Variants in PLA2G6 observed in about 807,000 individuals in gnomAD.
PLA2G6 encodes 85/88 kDa calcium-independent phospholipase A2.
PLA2G6 carries 62 observed loss-of-function variants against 83.8 expected under a neutral mutation model. The observed-to-expected ratio is 0.74, with a 90% confidence interval of 0.60 to 0.91. The LOEUF is 0.91. PLA2G6 is among the 40% of genes least tolerant of loss of function. The probability of loss-of-function intolerance (pLI) is 0.00; values close to 1 mark genes in which losing one functional copy is unlikely to be tolerated. For missense variants in PLA2G6, 944 were observed against 1,102.0 expected (o/e 0.86, Z 2.03); for synonymous variants, 417 against 449.8 (o/e 0.93, Z 0.92).
rs900525256 is a variant in PLA2G6, at chr22:38,125,240, G to A, written c.1427+1131C>T. 5.3e-5 allele frequency among the ~76,000 whole-genome samples: 8 copies of A among 152,322 alleles called. No homozygotes were observed. In the East Asian group the frequency reaches 9.6e-4, roughly 18 times the overall value. ...TGTTTGCATGTGTGCATGTGTGTGC[G>A]TGTCCATGTGTTTGCATGTGGGCAA... On this transcript the variant is annotated intron_variant, in intron 10 of 16. Transcript: ENST00000332509.
rs1413322585 is a variant in PLA2G6, at chr22:38,181,717, G to A, written c.-99C>T. 6.6e-6 allele frequency: 1 copy of A among 152,290 alleles called. No individual in the cohort carries two copies. The highest frequency in any genetic ancestry group is 1.5e-5 in the Non-Finnish European group (1 of 68,094). The allele number at this position is 152,290 out of a possible 1,614,324, so 9.4% of individuals were successfully genotyped here. On this transcript the variant is annotated 5_prime_UTR_variant, in exon 1 of 17. Transcript: ENST00000332509. ...AAAGGAGGGTCCGGCGGAGACTTGG[G>A]AGTCCGGAGCGCCGAGGAAGTTGGG...
intron 1 of PLA2G6, among the ~76,000 whole-genome samples, chr22:38,174,903 G>A (rs970991096): frequency 1.2e-4 from 19 of 152,132 alleles, no homozygotes; most frequent in African/African-American, 4.3e-4. Context: ...CTCCTCTCAT[G>A]ACGAGGAGCC....
Position 38,160,713 on chromosome 22 carries a change from C to T in PLA2G6, c.209+8505G>A, listed in dbSNP as rs537863471. On this transcript the variant is annotated intron_variant, in intron 2 of 16. Coordinates refer to ENST00000332509, the MANE Select transcript of PLA2G6 (RefSeq NM_003560.4). ...ACAAAAAATTAGCCGGGCGTGGTGG[C>T]GGGCACCTGTAGTCCCAGCTACTCA... 2.2e-3 allele frequency among the ~76,000 whole-genome samples: 335 copies of T among 152,186 alleles called. 5 individuals carry two copies. The highest frequency in any genetic ancestry group is 7.6e-3 in the African/African-American group (315 of 41,498).
At chr22:38,136,008 T>C (rs1324920893) in intron 5 of PLA2G6, 1 of 152,196 alleles carries the variant, frequency 6.6e-6, no homozygotes, top group African/African-American at 2.4e-5. Context: ...AAGGAAATTC[T>C]GATACGTGCT....
intron 2 of PLA2G6, among the ~76,000 whole-genome samples, chr22:38,156,077 A>G (rs533454025): frequency 6.6e-6 from 1 of 152,368 alleles, no homozygotes; most frequent in Admixed American, 6.5e-5. Flanking sequence ...CTATAAAAAG[A>G]GACAAAGAAG....
At chr22:38,148,709 A>C in intron 2 of PLA2G6, 1 of 595,768 alleles carries the variant, frequency 1.7e-6, no homozygotes. Flanking sequence ...AGGGTGAGCC[A>C]TACACAGACA....
rs189391579 is a variant in PLA2G6 at position 38,119,408 on chromosome 22, C to T, written c.1742+1351G>A. 3.0e-3 allele frequency among the ~76,000 whole-genome samples: 461 copies of T among 152,238 alleles called. 1 individual carries two copies. Among genetic ancestry groups the T allele is most frequent in the South Asian group, 0.017 (82 of 4,820 alleles). On this transcript the variant is annotated intron_variant, in intron 12 of 16. Coordinates refer to ENST00000332509, the MANE Select transcript of PLA2G6 (RefSeq NM_003560.4). ...ACATTAAATTGGATCTTGGATTTCA[C>T]CCTCATACAAAAATCAATTCCAGGT...
Position 38,128,183 on chromosome 22 carries a change from G to A in PLA2G6, c.1348+86C>T. ...GCTTCCTTTAGTGACTTCCGTCCTA[G>A]GGATCCTGTTGCTTTGGTGGGGCCT... On this transcript the variant is annotated intron_variant, in intron 9 of 16. Transcript: ENST00000332509. The surrounding 1 kb of genome is among the most constrained non-coding windows in gnomAD (Gnocchi z 4.4). The A allele has an allele frequency of 7.1e-7, 1 of 1,417,632 alleles. No individual in the cohort carries two copies. Among genetic ancestry groups the A allele is most frequent in the South Asian group, 1.2e-5 (1 of 86,864 alleles). The allele number at this position is 1,417,632 out of a possible 1,614,324, so 87.8% of individuals were successfully genotyped here. A position where few individuals can be genotyped will look rare whatever the true frequency, so the allele number is the denominator to read the frequency against.
At chr22:38,165,616 G>A (rs2090183293) in intron 2 of PLA2G6, among the ~76,000 whole-genome samples, 1 of 152,182 alleles carries the variant, frequency 6.6e-6, no homozygotes, top group Non-Finnish European at 1.5e-5. Flanking sequence ...GCTCACTCCT[G>A]TAATCCCAGC....
At chr22:38,127,462 C>T in intron 9 of PLA2G6, 1 of 1,329,452 alleles carries the variant, frequency 7.5e-7, no homozygotes, top group Non-Finnish European at 1.0e-6. Context: ...TGACTGCCTG[C>T]AAAATTGAGA....
chr22:38,120,165 G>A (rs779343305), intron 12 of PLA2G6, among the ~76,000 whole-genome samples: 1 of 152,204 alleles, frequency 6.6e-6, no homozygotes, highest in African/African-American at 2.4e-5. Flanking sequence ...TTAGTCCTAG[G>A]ATTTGGGCTT....
chr22:38,168,000 C>G (rs1236646357), intron 2 of PLA2G6: 1 of 169,586 alleles, frequency 5.9e-6, no homozygotes, highest in Non-Finnish European at 1.5e-5. Flanking sequence ...CCATTTTGTT[C>G]TGCCACACAG....
Position 38,112,043 on chromosome 22 carries a change from G to A in PLA2G6, c.*118C>T, listed in dbSNP as rs2086893449. On this transcript the variant is annotated 3_prime_UTR_variant, in exon 17 of 17. Coordinates refer to ENST00000332509, the MANE Select transcript of PLA2G6 (RefSeq NM_003560.4). ...GGCAGCTTGGCATTCTCCCAGGCCTGGTCTATGGACTCAGAGGTGCCTGGG... is the reference window on the plus strand; with the variant it reads ...GGCAGCTTGGCATTCTCCCAGGCCTAGTCTATGGACTCAGAGGTGCCTGGG... The A allele has an allele frequency of 8.2e-7, 1 of 1,217,836 alleles. No individual in the cohort carries two copies. The highest frequency in any genetic ancestry group is 1.5e-5 in the African/African-American group (1 of 66,792). The allele number at this position is 1,217,836 out of a possible 1,614,324, so 75.4% of individuals were successfully genotyped here.
intron 2 of PLA2G6, among the ~76,000 whole-genome samples, chr22:38,153,339 C>G (rs1256907310): frequency 1.3e-5 from 2 of 152,210 alleles, no homozygotes; most frequent in Non-Finnish European, 2.9e-5. Flanking sequence ...CTCTGCCCGG[C>G]CCCCGCCCTG....
At chr22:38,148,301 G>C in intron 2 of PLA2G6, 5 of 550,318 alleles carry the variant, frequency 9.1e-6, no homozygotes, top group Non-Finnish European at 1.6e-5. Flanking sequence ...ATAGCGAATG[G>C]GGAAAGTGTA....
chr22:38,137,408 C>A (rs1394870691), intron 5 of PLA2G6: 2 of 152,648 alleles, frequency 1.3e-5, no homozygotes, highest in East Asian at 3.9e-4. Context: ...TAGTGCAGCC[C>A]CCAGGCATCC....
chr22:38,133,043 C>T lies in PLA2G6; in HGVS notation c.895-30G>A, dbSNP rs780026887. On this transcript the variant is annotated intron_variant, in intron 6 of 16. Coordinates refer to ENST00000332509, the MANE Select transcript of PLA2G6 (RefSeq NM_003560.4). The stretch of plus-strand genomic sequence containing the variant: ...GGGAGACGGTCAGGCTGAGTTAGCA[C>T]AGGCACTCGGGGAGCTGCCGCACCC... 12 of 1,545,806 alleles carry T rather than the reference C, an allele frequency of 7.8e-6. No individual in the cohort carries two copies. In the African/African-American group the frequency reaches 1.4e-4, roughly 18 times the overall value.
In PLA2G6 at chr22:38,112,603, G is replaced by A. The variant is rs928536988; in HGVS notation, c.2203-26C>T. The A allele has an allele frequency of 3.2e-6, 5 of 1,541,784 alleles. No homozygotes were observed. In the African/African-American group the frequency reaches 5.5e-5, roughly 17 times the overall value. ...CTGGTGAGAAGCAGCCTTGGTGAGT[G>A]CCGGGCCCACACCCCGCCCGGCCCG... is the stretch of plus-strand genomic sequence containing the variant. On this transcript the variant is annotated intron_variant, in intron 15 of 16. Coordinates refer to ENST00000332509, the MANE Select transcript of PLA2G6 (RefSeq NM_003560.4).
chr22:38,172,440 G>C (rs958255391), intron 1 of PLA2G6, among the ~76,000 whole-genome samples: 2 of 152,234 alleles, frequency 1.3e-5, no homozygotes, highest in African/African-American at 4.8e-5. Flanking sequence ...AAAAAACAAA[G>C]CCTGATAGAA....
Sources: gnomAD v4.1 joint callset for allele counts (sites outside exome capture counted in the v4.1 genomes callset) on GRCh38, gnomAD v4.1.1 for gene constraint, Gnocchi (gnomAD v3.1) non-coding constraint, MANE v1.5 for transcripts, NCBI Gene and HGNC (gene_info 2026-07-23, HGNC 2026-07-21) for gene names.